NCAM1: variants seen among roughly 807,000 people sequenced by gnomAD.
NCAM1 encodes neural cell adhesion molecule 1.
Under a neutral mutation model 109.8 loss-of-function variants are expected in NCAM1, and 14 were observed. The ratio of observed to expected loss-of-function variants is 0.13; its 90% CI spans 0.08 to 0.20. NCAM1 has a LOEUF of 0.20. Ranked by LOEUF, NCAM1 falls within the 10% of genes least tolerant of loss-of-function variation. The pLI is 1.00. For synonymous variants in NCAM1, 418 were observed against 442.9 expected (o/e 0.94, Z 0.70); for missense variants, 774 against 1,109.9 (o/e 0.70, Z 4.30).
intron 1 of NCAM1, among the ~76,000 whole-genome samples, chr11:112,984,391 C>T (rs1565364386): frequency 6.6e-6 from 1 of 151,832 alleles, no homozygotes; most frequent in Non-Finnish European, 1.5e-5. Context: ...GATTTCATTT[C>T]CTTTGGGTAC....
At chr11:112,980,973 G>A (rs1221473293) in intron 1 of NCAM1, among the ~76,000 whole-genome samples, 5 of 151,946 alleles carry the variant, frequency 3.3e-5, no homozygotes, top group Middle Eastern at 3.4e-3. Flanking sequence ...TTCTAGGAGA[G>A]AGGAAATATT....
At chr11:112,978,424 T>C (rs577019552) in intron 1 of NCAM1, among the ~76,000 whole-genome samples, 34 of 151,900 alleles carry the variant, frequency 2.2e-4, no homozygotes, top group Admixed American at 2.6e-4. Flanking sequence ...TAATGGCATG[T>C]TTTTTTCTTC....
chr11:113,082,699 A>G lies in NCAM1; in HGVS notation c.53-119680A>G, dbSNP rs1591310047. Among the ~76,000 whole-genome samples the G allele has an allele frequency of 2.6e-5, 4 of 152,234 alleles. No homozygotes were observed. In the South Asian group the frequency reaches 8.3e-4, roughly 31 times the overall value. ...CGCTCTGAGCGTGCTTGACACATCTATGACTGAACGCAGGACAATGCCGGA... is the reference window on the plus strand; with the variant it reads ...CGCTCTGAGCGTGCTTGACACATCTGTGACTGAACGCAGGACAATGCCGGA... On this transcript the variant is annotated intron_variant, in intron 1 of 19. Coordinates refer to ENST00000316851, the MANE Select transcript of NCAM1 (RefSeq NM_181351.5).
rs141292490 is a variant in NCAM1, at chr11:113,043,494, G to C, written c.52+81830G>C. Among the ~76,000 whole-genome samples, 19 of 152,088 alleles carry C rather than the reference G, an allele frequency of 1.2e-4. No homozygotes were observed. In the East Asian group the frequency reaches 3.7e-3, roughly 29 times the overall value. The stretch of plus-strand genomic sequence containing the variant: ...TGGATTTACAGGCATGTGCCACCAC[G>C]CCCAGCTAATTTTTGTATTTTTAGT... On this transcript the variant is annotated intron_variant, in intron 1 of 19. Coordinates refer to ENST00000316851, the MANE Select transcript of NCAM1 (RefSeq NM_181351.5).
chr11:113,094,834 AGTCTT>A (rs1939520761), intron 1 of NCAM1, among the ~76,000 whole-genome samples: 1 of 152,256 alleles, frequency 6.6e-6, no homozygotes, highest in South Asian at 2.1e-4. Context: ...CTGTGGCCTA[AGTCTT>A]TTCTAAGTCA....
At chr11:113,235,263 G>C in intron 14 of NCAM1, 99 bp downstream of exon 14, 1 of 1,606,458 alleles carries the variant, frequency 6.2e-7, no homozygotes, top group African/African-American at 1.3e-5. Context: ...TCAGACCACA[G>C]CTTTTTGTCT....
intron 1 of NCAM1, among the ~76,000 whole-genome samples, chr11:113,192,277 T>G (rs1185591744): frequency 6.6e-6 from 1 of 152,210 alleles, no homozygotes; most frequent in Non-Finnish European, 1.5e-5. Context: ...TCAGGGCAGA[T>G]TGATGGATTG....
intron 16 of NCAM1, among the ~76,000 whole-genome samples, chr11:113,258,517 AAGAG>A (rs556411729): frequency 6.6e-6 from 1 of 152,168 alleles, no homozygotes; most frequent in Admixed American, 6.5e-5. Flanking sequence ...GGAGAAGACA[AAGAG>A]AGATTGATTG....
In NCAM1 at chr11:113,207,325, C is replaced by T. The variant is rs17115156; in HGVS notation, c.693C>T (p.Val231=). Residue 231 remains valine (V), a synonymous_variant, in exon 6 of 20, where the codon GTC becomes GTT. Transcript: ENST00000316851. ...VNATANLGQS[V]TLVCDAEGFP... ...CCACCGCCAACCTCGGCCAGTCCGT[C>T]ACCCTGGTGTGCGATGCCGAAGGCT... 23,196 of 1,614,026 alleles carry T rather than the reference C, an allele frequency of 0.014. 204 individuals are homozygous for T. The highest frequency in any genetic ancestry group is 0.017 in the Non-Finnish European group (20,632 of 1,179,870).
At chr11:113,209,127 C>T (rs1221307128) in intron 7 of NCAM1, among the ~76,000 whole-genome samples, 2 of 152,212 alleles carry the variant, frequency 1.3e-5, no homozygotes, top group Non-Finnish European at 2.9e-5. Flanking sequence ...AACTGGTCTA[C>T]TGTAGACAGC....
intron 1 of NCAM1, among the ~76,000 whole-genome samples, chr11:113,047,148 A>G (rs1034999052): frequency 1.3e-5 from 2 of 152,188 alleles, no homozygotes; most frequent in Non-Finnish European, 2.9e-5. Flanking sequence ...GTAATACAGG[A>G]GCTAACTTTT....
At chr11:113,085,300 A>G (rs1939028557) in intron 1 of NCAM1, among the ~76,000 whole-genome samples, 1 of 152,192 alleles carries the variant, frequency 6.6e-6, no homozygotes, top group South Asian at 2.1e-4. Flanking sequence ...TAATTCCACA[A>G]TGGCCAGGGA....
intron 1 of NCAM1, among the ~76,000 whole-genome samples, chr11:113,020,170 G>C (rs1347868491): frequency 7.9e-5 from 12 of 152,152 alleles, no homozygotes; most frequent in African/African-American, 2.9e-4. Flanking sequence ...TTTGTGATTT[G>C]AGCAGTTTTT....
intron 1 of NCAM1, among the ~76,000 whole-genome samples, chr11:113,086,905 T>C (rs1555088405): frequency 6.6e-6 from 1 of 152,230 alleles, no homozygotes; most frequent in Non-Finnish European, 1.5e-5. Context: ...TTTTTGATTA[T>C]CTGAATAACT....
intron 1 of NCAM1, among the ~76,000 whole-genome samples, chr11:112,998,463 T>A (rs1555071798): frequency 6.6e-6 from 1 of 152,158 alleles, no homozygotes; most frequent in Non-Finnish European, 1.5e-5. Context: ...TATGTTCTAC[T>A]AATAAATTAT....
chr11:112,965,982 A>G (rs921243025), intron 1 of NCAM1, among the ~76,000 whole-genome samples: 4 of 152,190 alleles, frequency 2.6e-5, no homozygotes, highest in African/African-American at 9.7e-5. Flanking sequence ...GGAGACAAAG[A>G]CATCTTATAA....
chr11:113,091,808 AG>A (rs1407519520), intron 1 of NCAM1, among the ~76,000 whole-genome samples: 1 of 152,236 alleles, frequency 6.6e-6, no homozygotes, highest in Non-Finnish European at 1.5e-5. Flanking sequence ...ATAGTCGTGA[AG>A]GCGGATGAGA....
chr11:113,126,241 A>C (rs1941173495), intron 1 of NCAM1, among the ~76,000 whole-genome samples: 2 of 152,094 alleles, frequency 1.3e-5, no homozygotes, highest in East Asian at 3.8e-4. Context: ...TAATATAATA[A>C]AAACAGTAAA....
At chr11:113,088,840 T>G (rs1939208607) in intron 1 of NCAM1, among the ~76,000 whole-genome samples, 1 of 152,198 alleles carries the variant, frequency 6.6e-6, no homozygotes, top group Non-Finnish European at 1.5e-5. Flanking sequence ...GATTATATCT[T>G]TAGTGACTTG....
Sources: allele counts gnomAD v4.1 joint callset (sites outside exome capture counted in the v4.1 genomes callset), GRCh38; gene constraint gnomAD v4.1.1; transcripts MANE v1.5; gene names NCBI Gene and HGNC (gene_info 2026-07-23, HGNC 2026-07-21).